COBL: variants seen among roughly 807,000 people sequenced by gnomAD.
COBL encodes the protein protein cordon-bleu.
Under a neutral mutation model 98.8 loss-of-function variants are expected in COBL, and 51 were observed. That is an observed-to-expected ratio of 0.52 (90% confidence interval 0.41 to 0.65). The LOEUF (loss-of-function observed/expected upper bound fraction) is 0.65, where lower values mean the gene tolerates loss of function less well. Among genes scored for constraint, COBL ranks in the 30% least tolerant of loss-of-function variants. The pLI, the probability that COBL is intolerant of heterozygous loss-of-function variation, is 0.00. For missense variants in COBL, 1,617 were observed against 1,617.5 expected (o/e 1.00, Z 0.01); for synonymous variants, 634 against 651.7 (o/e 0.97, Z 0.41).
At chr7:51,120,644 C>G (rs1229592884) in intron 6 of COBL, among the ~76,000 whole-genome samples, 1 of 151,940 alleles carries the variant, frequency 6.6e-6, no homozygotes, top group Admixed American at 6.6e-5. Context: ...CCAATTCCCA[C>G]CCCCCAGGCC....
intron 12 of COBL, among the ~76,000 whole-genome samples, chr7:51,022,050 G>A (rs10260349): frequency 0.02 from 3,052 of 152,190 alleles, 100 homozygotes; most frequent in African/African-American, 0.07. Context: ...GCTTTCTTCA[G>A]ATTTGTTGTG....
At position 51,016,758 on chromosome 7, in the gene COBL, C is replaced by T. The variant is rs562795844; in HGVS notation, c.*793G>A. ...CGTACACAGGCACCGTGGGGGAGGCCTATGTCACTTCATAGCCTGGGGAAT... is the reference window on the plus strand; with the variant it reads ...CGTACACAGGCACCGTGGGGGAGGCTTATGTCACTTCATAGCCTGGGGAAT... On this transcript the variant is annotated 3_prime_UTR_variant, in exon 13 of 13. Transcript: ENST00000265136. The T allele has an allele frequency of 2.5e-6, 1 of 394,994 alleles. No homozygotes were observed. The allele number at this position is 394,994 out of a possible 1,614,324, so 24.5% of individuals were successfully genotyped here. A position where few individuals can be genotyped will look rare whatever the true frequency, so the allele number is the denominator to read the frequency against.
chr7:51,185,271 C>A (rs1789382714), intron 4 of COBL, among the ~76,000 whole-genome samples: 1 of 152,166 alleles, frequency 6.6e-6, no homozygotes, highest in African/African-American at 2.4e-5. Context: ...CACTCCAGAC[C>A]CCCAGAATAA....
At chr7:51,258,038 T>C (rs1050218516) in intron 1 of COBL, among the ~76,000 whole-genome samples, 6 of 152,262 alleles carry the variant, frequency 3.9e-5, no homozygotes, top group Non-Finnish European at 7.3e-5. Flanking sequence ...TGTTTGCTAA[T>C]TTTTAAATTA....
At chr7:51,039,097 C>G (rs1788911617) in intron 8 of COBL, among the ~76,000 whole-genome samples, 1 of 152,148 alleles carries the variant, frequency 6.6e-6, no homozygotes, top group Non-Finnish European at 1.5e-5. Flanking sequence ...TCCTCTTGAT[C>G]AAGGTGGTGT....
chr7:51,065,272 C>G (rs1791797006), intron 7 of COBL: 1 of 703,268 alleles, frequency 1.4e-6, no homozygotes, highest in African/African-American at 1.7e-5. Flanking sequence ...CAAGAGAAGG[C>G]TGAGCAGTGA....
Position 51,162,418 on chromosome 7 carries a change from A to G in COBL, c.783+21684T>C, listed in dbSNP as rs190382806. Among the ~76,000 whole-genome samples the G allele has an allele frequency of 1.9e-4, 29 of 152,334 alleles. 1 individual carries two copies. The highest frequency in any genetic ancestry group is 7.3e-5 in the Non-Finnish European group (5 of 68,030). On this transcript the variant is annotated intron_variant, in intron 5 of 12. Coordinates refer to ENST00000265136, the MANE Select transcript of COBL (RefSeq NM_015198.5). The stretch of plus-strand genomic sequence containing the variant: ...GCCCTTTGATTAAGACAGTGAAGAT[A>G]TATCTTGGAACAGAGTAAACTTCAG...
intron 7 of COBL, chr7:51,072,634 ATGTCACTGTT>A (rs1792676139): frequency 6.6e-6 from 1 of 152,266 alleles, no homozygotes; most frequent in South Asian, 2.1e-4. Context: ...AGTAAGTACT[ATGTCACTGTT>A]TAGTGAATAA....
chr7:51,197,527 C>T (rs116207063), intron 2 of COBL, among the ~76,000 whole-genome samples: 2,198 of 152,124 alleles, frequency 0.014, 52 homozygotes, highest in African/African-American at 0.05. Context: ...AGCTGTCTAC[C>T]AGGTCCATCT....
At chr7:51,172,473 G>A (rs1787967522) in intron 5 of COBL, 1 of 1,288,014 alleles carries the variant, frequency 7.8e-7, no homozygotes. Context: ...CCCCTTCCTG[G>A]GGCAGCCCTG....
chr7:51,098,224 C>CTTTTTTTT (rs551768231), intron 6 of COBL, among the ~76,000 whole-genome samples: 9,056 of 100,536 alleles, frequency 0.09, 1,348 homozygotes, highest in South Asian at 0.15. Context: ...ATAGCAGTTT[C>CTTTTTTTT]TTTTTTTTTT....
intron 1 of COBL, among the ~76,000 whole-genome samples, chr7:51,305,937 G>T (rs1802430452): frequency 6.6e-6 from 1 of 152,214 alleles, no homozygotes; most frequent in Non-Finnish European, 1.5e-5. Context: ...TCAGGAGGCT[G>T]AGGCAGAAGA....
At chr7:51,312,168 A>C (rs914254105) in intron 1 of COBL, among the ~76,000 whole-genome samples, 2 of 152,018 alleles carry the variant, frequency 1.3e-5, no homozygotes, top group Non-Finnish European at 2.9e-5. Flanking sequence ...TTAAAAAAAA[A>C]AAAATACAAA....
intron 6 of COBL, among the ~76,000 whole-genome samples, chr7:51,102,961 G>A (rs144152819): frequency 2.0e-5 from 3 of 152,214 alleles, no homozygotes; most frequent in Admixed American, 2.0e-4. Flanking sequence ...GATGCAGGAT[G>A]AATAAGCTCT....
chr7:51,205,743 T>G (rs540760146), intron 2 of COBL, among the ~76,000 whole-genome samples: 1 of 151,940 alleles, frequency 6.6e-6, no homozygotes, highest in East Asian at 1.9e-4. Context: ...CTTCTTTCTG[T>G]CCAGCAAAGG....
intron 6 of COBL, among the ~76,000 whole-genome samples, chr7:51,127,622 C>T (rs975872324): frequency 9.2e-5 from 14 of 152,088 alleles, no homozygotes; most frequent in African/African-American, 3.4e-4. Context: ...CTAAAGCATT[C>T]ACAATAGGCC....
intron 2 of COBL, among the ~76,000 whole-genome samples, chr7:51,214,400 G>A (rs1441356672): frequency 6.6e-6 from 1 of 152,184 alleles, no homozygotes; most frequent in African/African-American, 2.4e-5. Flanking sequence ...CAGTTACCCT[G>A]TCCAGATGGG....
At chr7:51,056,812 A>ACAC (rs1554362402) in intron 7 of COBL, among the ~76,000 whole-genome samples, 2 of 143,574 alleles carry the variant, frequency 1.4e-5, no homozygotes, top group East Asian at 2.1e-4. Flanking sequence ...GTGCTCTCCC[A>ACAC]ACACACACAC....
chr7:51,068,917 T>G (rs981293321), intron 7 of COBL, among the ~76,000 whole-genome samples: 1 of 152,252 alleles, frequency 6.6e-6, no homozygotes, highest in African/African-American at 2.4e-5. Flanking sequence ...TAACTCACTC[T>G]TCACATCTAA....
Sources: allele counts gnomAD v4.1 joint callset (sites outside exome capture counted in the v4.1 genomes callset), GRCh38; gene constraint gnomAD v4.1.1; transcripts MANE v1.5; gene names NCBI Gene and HGNC (gene_info 2026-07-23, HGNC 2026-07-21).